The following VEGFC variants were observed in gnomAD, a reference collection of about 807,000 sequenced individuals.
The protein encoded by VEGFC is vascular endothelial growth factor C, also known as FLT4 ligand DHM.
A neutral mutation model predicts 46.1 loss-of-function variants in VEGFC; 12 were observed. The ratio of observed to expected loss-of-function variants is 0.26; its 90% CI spans 0.17 to 0.42. VEGFC has a LOEUF of 0.42. VEGFC is among the 10% of genes least tolerant of loss of function. The pLI, the probability that VEGFC is intolerant of heterozygous loss-of-function variation, is 1.00. For synonymous variants in VEGFC, 232 were observed against 195.5 expected (o/e 1.19, Z -1.56); for missense variants, 488 against 529.4 (o/e 0.92, Z 0.77).
At chr4:176,764,276 A>G (rs1735578444) in intron 1 of VEGFC, among the ~76,000 whole-genome samples, 1 of 152,184 alleles carries the variant, frequency 6.6e-6, no homozygotes, top group African/African-American at 2.4e-5. Flanking sequence ...CTGAAAATCC[A>G]GGCAGAAAAC....
intron 3 of VEGFC, among the ~76,000 whole-genome samples, chr4:176,720,428 TTTC>T (rs1734764591): frequency 1.3e-5 from 2 of 152,204 alleles, no homozygotes; most frequent in Non-Finnish European, 2.9e-5. Context: ...CCCAAATTTG[TTTC>T]TTTTTATTCA....
intron 1 of VEGFC, among the ~76,000 whole-genome samples, chr4:176,763,917 T>C (rs1735573355): frequency 6.6e-6 from 1 of 151,924 alleles, no homozygotes; most frequent in African/African-American, 2.4e-5. Flanking sequence ...TCAAACATAG[T>C]AAGAGGAATT....
chr4:176,776,514 A>G (rs1272157000), intron 1 of VEGFC, among the ~76,000 whole-genome samples: 1 of 152,270 alleles, frequency 6.6e-6, no homozygotes, highest in Non-Finnish European at 1.5e-5. Context: ...GAGAGGCACA[A>G]TACAAAACAT....
chr4:176,739,593 G>A (rs1258681466), intron 1 of VEGFC, among the ~76,000 whole-genome samples: 1 of 151,750 alleles, frequency 6.6e-6, no homozygotes, highest in African/African-American at 2.4e-5. Flanking sequence ...GGCCTGTTGT[G>A]GGGGGAGCGT....
intron 3 of VEGFC, among the ~76,000 whole-genome samples, chr4:176,714,061 G>T (rs772260475): frequency 8.5e-5 from 13 of 152,156 alleles, no homozygotes; most frequent in Admixed American, 2.0e-4. Flanking sequence ...GCTCAGACCA[G>T]CAGAAACAAT....
At chr4:176,692,117 C>T (rs79691520) in intron 4 of VEGFC, among the ~76,000 whole-genome samples, 9 of 148,422 alleles carry the variant, frequency 6.1e-5, no homozygotes, top group Admixed American at 2.0e-4. Context: ...CGCACCGGCC[C>T]GGCGCGGTGG....
chr4:176,761,593 T>G (rs6857785), intron 1 of VEGFC, among the ~76,000 whole-genome samples: 130,295 of 152,132 alleles, frequency 0.86, 56,657 homozygotes, highest in East Asian at 1. Flanking sequence ...AAGATTACAG[T>G]AATTTGTAAT....
intron 3 of VEGFC, among the ~76,000 whole-genome samples, chr4:176,722,307 T>C (rs1734801015): frequency 6.6e-6 from 1 of 151,466 alleles, no homozygotes; most frequent in African/African-American, 2.4e-5. Flanking sequence ...AGCTGGGAGG[T>C]GAAAGAGATG....
In VEGFC at chr4:176,792,672, A is replaced by C; in HGVS notation, c.-361T>G. The C allele has an allele frequency of 5.7e-6, 1 of 176,810 alleles. No individual in the cohort carries two copies. Among genetic ancestry groups the C allele is most frequent in the Non-Finnish European group, 1.2e-5 (1 of 84,870 alleles). The allele number at this position is 176,810 out of a possible 1,614,324, so 11.0% of individuals were successfully genotyped here. On this transcript the variant is annotated 5_prime_UTR_variant, in exon 1 of 7. Coordinates refer to ENST00000618562, the MANE Select transcript of VEGFC (RefSeq NM_005429.5). This position sits in a 1 kb window ranked among gnomAD's most constrained non-coding sequence, Gnocchi z 6.3. The stretch of plus-strand genomic sequence containing the variant: ...GGAGAGGCGGGGCGGGGGACACCAG[A>C]ACACCCCGCGATGTTCAGCCCCTCC...
intron 2 of VEGFC, among the ~76,000 whole-genome samples, chr4:176,729,326 C>CTA (rs1431454294): frequency 6.6e-6 from 1 of 152,114 alleles, no homozygotes; most frequent in Non-Finnish European, 1.5e-5. Context: ...ATGCATGGAC[C>CTA]TATCTATCCT....
rs537882408 is a variant in VEGFC at position 176,763,166 on chromosome 4, A to G, written c.147+28999T>C. Among the ~76,000 whole-genome samples, 171 of 152,390 alleles carry G rather than the reference A, an allele frequency of 1.1e-3. 1 individual carries two copies. Among genetic ancestry groups the G allele is most frequent in the Middle Eastern group, 3.4e-3 (1 of 294 alleles). Reference sequence around the variant, plus strand: ...AGTGGTCTCTATTTATAGTGTCCACAGGTGCGGAGCACAAGCAAACAAAAA... The same window carrying G: ...AGTGGTCTCTATTTATAGTGTCCACGGGTGCGGAGCACAAGCAAACAAAAA... On this transcript the variant is annotated intron_variant, in intron 1 of 6. Transcript: ENST00000618562.
intron 1 of VEGFC, among the ~76,000 whole-genome samples, chr4:176,750,357 C>G (rs1448426176): frequency 6.6e-6 from 1 of 151,160 alleles, no homozygotes; most frequent in Non-Finnish European, 1.5e-5. Flanking sequence ...ACAAGAATAA[C>G]CTAAAACAAA....
At chr4:176,738,323 A>G (rs1735090149) in intron 1 of VEGFC, among the ~76,000 whole-genome samples, 1 of 152,114 alleles carries the variant, frequency 6.6e-6, no homozygotes. Context: ...AACAGTAACC[A>G]AAACAGCAGG....
chr4:176,784,473 C>T (rs967298344), intron 1 of VEGFC, among the ~76,000 whole-genome samples: 3 of 151,226 alleles, frequency 2.0e-5, no homozygotes, highest in African/African-American at 2.4e-5. Flanking sequence ...CTAGGCTGGG[C>T]GTGGTGGTTC....
chr4:176,691,079 G>C (rs1455921273), intron 4 of VEGFC, among the ~76,000 whole-genome samples: 1 of 152,188 alleles, frequency 6.6e-6, no homozygotes, highest in Non-Finnish European at 1.5e-5. Flanking sequence ...TGCTTCAAAA[G>C]TGAGGAGCAA....
At chr4:176,789,506 T>A (rs1044123960) in intron 1 of VEGFC, among the ~76,000 whole-genome samples, 6 of 152,220 alleles carry the variant, frequency 3.9e-5, no homozygotes, top group African/African-American at 1.2e-4. Flanking sequence ...AGAAATCTCT[T>A]ATAAGAGTAG....
At chr4:176,710,653 A>C (rs1422154047) in intron 4 of VEGFC, among the ~76,000 whole-genome samples, 2 of 152,300 alleles carry the variant, frequency 1.3e-5, no homozygotes, top group Admixed American at 1.3e-4. Context: ...TACATTTGTT[A>C]CAAATGCTAG....
At chr4:176,691,669 T>A (rs73872154) in intron 4 of VEGFC, among the ~76,000 whole-genome samples, 4,455 of 152,328 alleles carry the variant, frequency 0.029, 225 homozygotes, top group African/African-American at 0.1. Context: ...ATGAATTTAA[T>A]GATAAATAAA....
At chr4:176,791,602 C>A (rs1484901597) in intron 1 of VEGFC, among the ~76,000 whole-genome samples, 1 of 138,188 alleles carries the variant, frequency 7.2e-6, no homozygotes, top group East Asian at 1.9e-4. Context: ...ACTCTAATCT[C>A]CCGTTACATC....
Sources: gnomAD v4.1 joint callset for allele counts (sites outside exome capture counted in the v4.1 genomes callset) on GRCh38, gnomAD v4.1.1 for gene constraint, Gnocchi (gnomAD v3.1) non-coding constraint, MANE v1.5 for transcripts, NCBI Gene and HGNC (gene_info 2026-07-23, HGNC 2026-07-21) for gene names.